Variants in BTN2A2 observed in about 807,000 individuals in gnomAD.
BTN2A2 encodes the protein butyrophilin subfamily 2 member A2, also known as butyrophilin 2.
A neutral mutation model predicts 34.7 loss-of-function variants in BTN2A2; 29 were observed. The ratio of observed to expected loss-of-function variants is 0.84; its 90% CI spans 0.62 to 1.14. BTN2A2 has a LOEUF of 1.14. Ranked by LOEUF, BTN2A2 falls within the 50% of genes most tolerant of loss-of-function variation. BTN2A2 has a pLI of 0.00. For synonymous variants in BTN2A2, 240 were observed against 253.1 expected, an observed-to-expected ratio of 0.95 and a Z score of 0.49; for missense variants, 612 against 651.5, an observed-to-expected ratio of 0.94 and a Z score of 0.66.
intron 4 of BTN2A2, among the ~76,000 whole-genome samples, chr6:26,389,096 C>T (rs1761405327): frequency 6.6e-6 from 1 of 151,788 alleles, no homozygotes; most frequent in Non-Finnish European, 1.5e-5. Context: ...GCCTGGGCAA[C>T]AGAGTGAGAC....
Position 26,393,452 on chromosome 6 carries a change from G to T in BTN2A2, c.*485G>T. 9.3e-7 allele frequency: 1 copy of T among 1,074,944 alleles called. No individual in the cohort carries two copies. The highest frequency in any genetic ancestry group is 1.1e-6 in the Non-Finnish European group (1 of 884,650). 66.6% of individuals were successfully genotyped at this position (1,074,944 alleles called of 1,614,324 possible). A position where few individuals can be genotyped will look rare whatever the true frequency, so the allele number is the denominator to read the frequency against. On this transcript the variant is annotated 3_prime_UTR_variant, in exon 8 of 8. Transcript: ENST00000356709. ...TAGAGGAAGTGGAACCAGAGAGCTGGGAGGGACCAAGGTTGTAAGGATGGC... is the reference window on the plus strand; with the variant it reads ...TAGAGGAAGTGGAACCAGAGAGCTGTGAGGGACCAAGGTTGTAAGGATGGC...
At chr6:26,391,658 C>A (rs549872732) in intron 7 of BTN2A2, 2 of 154,608 alleles carry the variant, frequency 1.3e-5, no homozygotes, top group South Asian at 4.0e-4. Context: ...TAGAGGTTTG[C>A]AGAATGCTCA....
intron 7 of BTN2A2, 79 bp downstream of exon 7, chr6:26,390,908 C>T (rs1761538934): frequency 6.2e-7 from 1 of 1,606,670 alleles, no homozygotes; most frequent in African/African-American, 1.3e-5. Context: ...AGGAGATGAG[C>T]AAGGGGCCCA....
intron 4 of BTN2A2, among the ~76,000 whole-genome samples, chr6:26,389,365 T>G (rs2113755697): frequency 6.6e-6 from 1 of 152,090 alleles, no homozygotes; most frequent in East Asian, 1.9e-4. Context: ...ATCAGATGCT[T>G]AAGGACTGAG....
In BTN2A2 at chr6:26,392,608, A is replaced by G; in HGVS notation, c.1213A>G (p.Arg405Gly). 1 of 1,614,148 alleles carries G rather than the reference A, an allele frequency of 6.2e-7. No homozygotes were observed. Among genetic ancestry groups the G allele is most frequent in the Non-Finnish European group, 8.5e-7 (1 of 1,179,998 alleles). The change falls in exon 8 of 8, where the codon AGG (arginine) becomes GGG (glycine). Residue 405 changes from arginine to glycine, a missense_variant. Transcript: ENST00000356709. Reference protein sequence around the residue: ...TVGVCRHSVERKGEVLLIPQN... With the variant: ...TVGVCRHSVEGKGEVLLIPQN... Reference sequence around the variant, plus strand: ...GGGGGTCTGCAGACACAGTGTTGAGAGGAAAGGGGAGGTCCTGCTGATTCC... The same window carrying G: ...GGGGGTCTGCAGACACAGTGTTGAGGGGAAAGGGGAGGTCCTGCTGATTCC...
At chr6:26,391,188 A>C in intron 7 of BTN2A2, 1 of 418,116 alleles carries the variant, frequency 2.4e-6, no homozygotes. Context: ...TTAGCAATTC[A>C]TATCCTGGGA....
At position 26,393,514 on chromosome 6, in the gene BTN2A2, T is replaced by G. The variant is rs920086717; in HGVS notation, c.*547T>G. On this transcript the variant is annotated 3_prime_UTR_variant, in exon 8 of 8. Transcript: ENST00000356709. ...ATAAGAGCTAAAGGGTCCTGGGAGATGATGGCTCATTTCCACCCAACCCCA... is the reference window on the plus strand; with the variant it reads ...ATAAGAGCTAAAGGGTCCTGGGAGAGGATGGCTCATTTCCACCCAACCCCA... The G allele has an allele frequency of 3.9e-6, 4 of 1,017,044 alleles. No homozygotes were observed. Among genetic ancestry groups the G allele is most frequent in the Admixed American group, 5.1e-5 (1 of 19,432 alleles). The allele number at this position is 1,017,044 out of a possible 1,614,324, so 63.0% of individuals were successfully genotyped here.
chr6:26,388,034 T>C lies in BTN2A2; in HGVS notation c.464T>C (p.Ile155Thr), dbSNP rs1761315508. The change falls in exon 4 of 8, where the codon ATT becomes ACT. Residue 155 changes from isoleucine to threonine, a missense_variant. Transcript: ENST00000356709. ...VVAGLGSKPL[I>T]EIKAQEDGSI... is the part of the protein sequence containing the mutation. The stretch of plus-strand genomic sequence containing the variant: ...CCAGGCCTTGGGTCTAAGCCCCTCA[T>C]TGAAATCAAGGCCCAAGAGGATGGG... 6.2e-7 allele frequency: 1 copy of C among 1,613,722 alleles called. No individual in the cohort carries two copies. The highest frequency in any genetic ancestry group is 1.7e-5 in the Admixed American group (1 of 60,008).
In BTN2A2 at chr6:26,394,467, C is replaced by A; in HGVS notation, c.*1500C>A. 1 of 613,672 alleles carries A rather than the reference C, an allele frequency of 1.6e-6. No individual in the cohort carries two copies. The highest frequency in any genetic ancestry group is 1.9e-5 in the South Asian group (1 of 52,228). 38.0% of individuals were successfully genotyped at this position (613,672 alleles called of 1,614,324 possible). A position where few individuals can be genotyped will look rare whatever the true frequency, so the allele number is the denominator to read the frequency against. ...CAAAAAGGCAGAGGAAAGGCAAATT[C>A]TTCTCTCCTCTGGAGCTGAGACACT... On this transcript the variant is annotated 3_prime_UTR_variant, in exon 8 of 8. Coordinates refer to ENST00000356709, the MANE Select transcript of BTN2A2 (RefSeq NM_006995.5).
rs1180049980 is a variant in BTN2A2, at chr6:26,390,353, C to T, written c.931+142C>T. 7 of 860,642 alleles carry T rather than the reference C, an allele frequency of 8.1e-6. No individual in the cohort carries two copies. In the East Asian group the frequency reaches 1.1e-4, roughly 13 times the overall value. 53.3% of individuals were successfully genotyped at this position (860,642 alleles called of 1,614,324 possible). ...TTAGGGAAGAGAGAGAGGAAATGCA[C>T]AGCAGCAGCCACAAGGGCTTGGAAC... On this transcript the variant is annotated intron_variant, in intron 5 of 7. Coordinates refer to ENST00000356709, the MANE Select transcript of BTN2A2 (RefSeq NM_006995.5).
rs1294564067 is a variant in BTN2A2, at chr6:26,390,783, CCT to C, written c.953-17_953-16del. On this transcript the variant is annotated intron_variant, in intron 6 of 7. Coordinates refer to ENST00000356709, the MANE Select transcript of BTN2A2 (RefSeq NM_006995.5). ...ACTTAGCAGTGTCTCGTGACATTCA[CCT>C]CTGTCTGTCCCTTGCAGGATGGAGA... 5 of 1,614,130 alleles carry C rather than the reference CCT, an allele frequency of 3.1e-6. No homozygotes were observed. The African/African-American group carries it at 4.0e-5, about 13-fold the overall frequency.
chr6:26,388,206 C>A lies in BTN2A2; in HGVS notation c.636C>A (p.Ile212=). The A allele has an allele frequency of 6.2e-7, 1 of 1,614,226 alleles. No individual in the cohort carries two copies. Among genetic ancestry groups the A allele is most frequent in the Non-Finnish European group, 8.5e-7 (1 of 1,180,040 alleles). ...TCTTCATGGTCACCACAGCTGTGAT[C>A]ATCAGAGACAAGTATGTGAGGAATG... ...DGLFMVTTAV[I]IRDKYVRNVS... is the part of the protein sequence containing the mutation. Residue 212 remains isoleucine, a synonymous_variant, in exon 4 of 8, where the codon ATC becomes ATA. Coordinates refer to ENST00000356709, the MANE Select transcript of BTN2A2 (RefSeq NM_006995.5).
chr6:26,383,682 C>G lies in BTN2A2; in HGVS notation c.-30-110C>G. 1.3e-6 allele frequency: 1 copy of G among 792,720 alleles called. No homozygotes were observed. Among genetic ancestry groups the G allele is most frequent in the South Asian group, 1.6e-5 (1 of 62,680 alleles). The allele number at this position is 792,720 out of a possible 1,614,324, so 49.1% of individuals were successfully genotyped here. A position where few individuals can be genotyped will look rare whatever the true frequency, so the allele number is the denominator to read the frequency against. Reference sequence around the variant, plus strand: ...CTGAGCCTTGAGATGCAAGCGACTCCCAGAAGTTGGGGCACCGATGAGACC... The same window carrying G: ...CTGAGCCTTGAGATGCAAGCGACTCGCAGAAGTTGGGGCACCGATGAGACC... On this transcript the variant is annotated intron_variant, in intron 1 of 7. Transcript: ENST00000356709. The surrounding 1 kb of genome is among the most constrained non-coding windows in gnomAD (Gnocchi z 4.4).
rs760920581 is a variant in BTN2A2, at chr6:26,392,944, G to C, written c.1549G>C (p.Val517Leu). The C allele has an allele frequency of 1.9e-6, 3 of 1,614,184 alleles. No homozygotes were observed. The highest frequency in any genetic ancestry group is 1.7e-6 in the Non-Finnish European group (2 of 1,180,020). ...TGAAGAGGGCCTGAAACTTCACAGA[G>C]TGGGGACCCACCAGAGCCTATAGAA... ...VPEEGLKLHR[V>L]GTHQSL Residue 517 changes from valine (V) to leucine (L), a missense_variant, in exon 8 of 8, where the codon GTG becomes CTG. Coordinates refer to ENST00000356709, the MANE Select transcript of BTN2A2 (RefSeq NM_006995.5).
chr6:26,388,260 C>A lies in BTN2A2; in HGVS notation c.690C>A (p.Leu230=). The A allele has an allele frequency of 1.9e-6, 3 of 1,614,144 alleles. No individual in the cohort carries two copies. Among genetic ancestry groups the A allele is most frequent in the Non-Finnish European group, 2.5e-6 (3 of 1,180,004 alleles). The part of the protein sequence containing the change: ...NVSCSVNNTL[L]GQEKETVIFI... Reference sequence around the variant, plus strand: ...CCTGCTCTGTCAACAACACCCTGCTCGGCCAGGAGAAGGAAACTGTCATTT... The same window carrying A: ...CCTGCTCTGTCAACAACACCCTGCTAGGCCAGGAGAAGGAAACTGTCATTT... The change falls in exon 4 of 8, where the codon CTC becomes CTA. Residue 230 remains leucine (L), a synonymous_variant. Coordinates refer to ENST00000356709, the MANE Select transcript of BTN2A2 (RefSeq NM_006995.5).
In BTN2A2 at chr6:26,393,076, G is replaced by A; in HGVS notation, c.*109G>A. 6.2e-7 allele frequency: 1 copy of A among 1,611,270 alleles called. No individual in the cohort carries two copies. The highest frequency in any genetic ancestry group is 1.1e-5 in the South Asian group (1 of 90,406). The stretch of plus-strand genomic sequence containing the variant: ...GCCCTCCTCCCCTCTGGTCACGTAA[G>A]AGAACATCTTCCAGCTGCCTTTTTC... On this transcript the variant is annotated 3_prime_UTR_variant, in exon 8 of 8. Coordinates refer to ENST00000356709, the MANE Select transcript of BTN2A2 (RefSeq NM_006995.5).
rs1466974199 is a variant in BTN2A2 at position 26,383,717 on chromosome 6, G to A, written c.-30-75G>A. On this transcript the variant is annotated intron_variant, in intron 1 of 7. Transcript: ENST00000356709. This position sits in a 1 kb window ranked among gnomAD's most constrained non-coding sequence, Gnocchi z 4.4. The stretch of plus-strand genomic sequence containing the variant: ...GGGCACCGATGAGACCTACTTGAGT[G>A]ACAGGAGAGGTTGGGCCCGACCAGC... 1.4e-5 allele frequency: 16 copies of A among 1,152,310 alleles called. No individual in the cohort carries two copies. Among genetic ancestry groups the A allele is most frequent in the Non-Finnish European group, 2.1e-5 (16 of 771,630 alleles). 71.4% of individuals were successfully genotyped at this position (1,152,310 alleles called of 1,614,324 possible).
chr6:26,385,520 G>A lies in BTN2A2; in HGVS notation c.442+158G>A, dbSNP rs16891635. On this transcript the variant is annotated intron_variant, in intron 3 of 7. Transcript: ENST00000356709. ...CCTCTTGCACAAAGGCCACATGAGT[G>A]GGTTTGCCCTGCTAAGCTATAGGTT... is the stretch of plus-strand genomic sequence containing the variant. 3,170 of 671,456 alleles carry A rather than the reference G, an allele frequency of 4.7e-3. 8 individuals are homozygous for A. Among genetic ancestry groups the A allele is most frequent in the Non-Finnish European group, 5.8e-3 (2,337 of 403,890 alleles). 41.6% of individuals were successfully genotyped at this position (671,456 alleles called of 1,614,324 possible). A position where few individuals can be genotyped will look rare whatever the true frequency, so the allele number is the denominator to read the frequency against.
At chr6:26,388,370 T>A (rs1286464467) in intron 4 of BTN2A2, 76 bp downstream of exon 4, 2 of 1,548,062 alleles carry the variant, frequency 1.3e-6, no homozygotes, top group Non-Finnish European at 1.8e-6. Context: ...AGAGCGGGAA[T>A]GGGGGCAGCA....
Sources: allele counts gnomAD v4.1 joint callset (sites outside exome capture counted in the v4.1 genomes callset), GRCh38; gene constraint gnomAD v4.1.1; non-coding constraint Gnocchi (gnomAD v3.1); transcripts MANE v1.5; gene names NCBI Gene and HGNC (gene_info 2026-07-23, HGNC 2026-07-21).